MMP14: variants seen among roughly 807,000 people sequenced by gnomAD.
MMP14 encodes matrix metallopeptidase 14.
A neutral mutation model predicts 64.8 loss-of-function variants in MMP14; 13 were observed. That is an observed-to-expected ratio of 0.20 (90% CI 0.13 to 0.32). MMP14 has a LOEUF of 0.32. Ranked by LOEUF, MMP14 falls within the 10% of genes least tolerant of loss-of-function variation. MMP14 has a pLI of 1.00. For missense variants in MMP14, 594 were observed against 783.8 expected (o/e 0.76, Z 2.89); for synonymous variants, 322 against 315.9 (o/e 1.02, Z -0.20).
chr14:22,842,055 A>G lies in MMP14; in HGVS notation c.380+20A>G. 6.2e-7 allele frequency: 1 copy of G among 1,614,068 alleles called. No individual in the cohort carries two copies. The highest frequency in any genetic ancestry group is 2.2e-5 in the East Asian group (1 of 44,876). ...TTTCTGGTGAGTCCAACAGGCAAGC[A>G]ACCTTTCTCACATCTGGTTATTATT... On this transcript the variant is annotated intron_variant, in intron 3 of 9. Coordinates refer to ENST00000311852, the MANE Select transcript of MMP14 (RefSeq NM_004995.4). This position sits in a 1 kb window ranked among gnomAD's most constrained non-coding sequence, Gnocchi z 5.3.
At position 22,844,670 on chromosome 14, in the gene MMP14, T is replaced by C. The variant is rs1198198649; in HGVS notation, c.1191T>C (p.Pro397=). ...TGTTTGATGAGGCGTCCCTGGAACC[T>C]GGCTACCCCAAGCACATTAAGGAGC... ...HWVFDEASLE[P]GYPKHIKELG... is the part of the protein sequence containing the mutation. The change falls in exon 8 of 10, where the codon CCT becomes CCC. Residue 397 remains proline, a synonymous_variant. Transcript: ENST00000311852. 1 of 1,614,004 alleles carries C rather than the reference T, an allele frequency of 6.2e-7. No individual in the cohort carries two copies. The highest frequency in any genetic ancestry group is 8.5e-7 in the Non-Finnish European group (1 of 1,180,026).
Position 22,843,138 on chromosome 14 carries a change from A to C in MMP14, c.689-119A>C. 8.1e-7 allele frequency: 1 copy of C among 1,238,250 alleles called. No homozygotes were observed. The highest frequency in any genetic ancestry group is 2.4e-5 in the East Asian group (1 of 41,604). 76.7% of individuals were successfully genotyped at this position (1,238,250 alleles called of 1,614,324 possible). ...AAAAGCTAGACCTCAGAATTTGGCC[A>C]CTTTGGATTGAAAACATGGGCAGCA... On this transcript the variant is annotated intron_variant, in intron 4 of 9. Transcript: ENST00000311852. This position sits in a 1 kb window ranked among gnomAD's most constrained non-coding sequence, Gnocchi z 4.8.
At chr14:22,837,494 G>C (rs534809228) in intron 1 of MMP14, 59 of 440,192 alleles carry the variant, frequency 1.3e-4, no homozygotes, top group Middle Eastern at 8.8e-4. Flanking sequence ...GTCTCCCCGA[G>C]AGGACCCCGC....
At chr14:22,839,385 G>C (rs2039757078) in intron 1 of MMP14, among the ~76,000 whole-genome samples, 1 of 152,264 alleles carries the variant, frequency 6.6e-6, no homozygotes, top group African/African-American at 2.4e-5. Context: ...GTCAGGGCAA[G>C]CCTGCAGCTC....
chr14:22,837,617 T>TC (rs2039744331), intron 1 of MMP14, among the ~76,000 whole-genome samples: 1 of 152,240 alleles, frequency 6.6e-6, no homozygotes, highest in Non-Finnish European at 1.5e-5. Flanking sequence ...GGTCGCTGCC[T>TC]CCCCCTATCC....
rs944083734 is a variant in MMP14, at chr14:22,836,721, G to C, written c.-97G>C. On this transcript the variant is annotated 5_prime_UTR_variant, in exon 1 of 10. Transcript: ENST00000311852. ...TAGGAATTCAAGTTCAGTGCCTACC[G>C]AAGACAAAGGCGCCCCGAGGGAGTG... The C allele has an allele frequency of 1.5e-6, 1 of 654,808 alleles. No individual in the cohort carries two copies. The allele number at this position is 654,808 out of a possible 1,614,324, so 40.6% of individuals were successfully genotyped here.
rs2039788569 is a variant in MMP14, at chr14:22,843,544, C to T, written c.850+126C>T. ...CCTGCCAACCTGCCCCTGCCTCTAT[C>T]AGCTCCACTTTTGAGCCCATCTTTT... On this transcript the variant is annotated intron_variant, in intron 5 of 9. Transcript: ENST00000311852. This position sits in a 1 kb window ranked among gnomAD's most constrained non-coding sequence, Gnocchi z 4.8. The T allele has an allele frequency of 2.1e-6, 3 of 1,400,238 alleles. No homozygotes were observed. Among genetic ancestry groups the T allele is most frequent in the Non-Finnish European group, 2.9e-6 (3 of 1,026,966 alleles). 86.7% of individuals were successfully genotyped at this position (1,400,238 alleles called of 1,614,324 possible). A position where few individuals can be genotyped will look rare whatever the true frequency, so the allele number is the denominator to read the frequency against.
At chr14:22,837,366 C>G in intron 1 of MMP14, 1 of 456,692 alleles carries the variant, frequency 2.2e-6, no homozygotes, top group South Asian at 1.5e-5. Context: ...GCTCTCCCGC[C>G]GGCGCGCCCT....
intron 2 of MMP14, 70 bp from the exon 3 acceptor site, chr14:22,841,843 A>G: frequency 1.5e-5 from 24 of 1,600,524 alleles, no homozygotes; most frequent in Non-Finnish European, 2.0e-5. Flanking sequence ...CTTACCCAAC[A>G]CTGATCGTGG....
rs761440716 is a variant in MMP14 at position 22,842,437 on chromosome 14, C to T, written c.408C>T (p.Gly136=). ...TCCAGAATTACACCCCCAAGGTGGG[C>T]GAGTATGCCACATACGAGGCCATTC... ...FCIQNYTPKV[G]EYATYEAIRK... is the part of the protein sequence containing the mutation. The change falls in exon 4 of 10, where the codon GGC becomes GGT. Residue 136 remains glycine, a synonymous_variant. Coordinates refer to ENST00000311852, the MANE Select transcript of MMP14 (RefSeq NM_004995.4). This position sits in a 1 kb window ranked among gnomAD's most constrained non-coding sequence, Gnocchi z 5.3. The T allele has an allele frequency of 1.2e-5, 20 of 1,613,216 alleles. No homozygotes were observed. The highest frequency in any genetic ancestry group is 5.0e-5 in the Admixed American group (3 of 59,968).
In MMP14 at chr14:22,836,724, G is replaced by C. The variant is rs906206782; in HGVS notation, c.-94G>C. The C allele has an allele frequency of 5.9e-6, 4 of 679,076 alleles. No individual in the cohort carries two copies. The highest frequency in any genetic ancestry group is 9.7e-6 in the Non-Finnish European group (4 of 413,926). The allele number at this position is 679,076 out of a possible 1,614,324, so 42.1% of individuals were successfully genotyped here. On this transcript the variant is annotated 5_prime_UTR_variant, in exon 1 of 10. Coordinates refer to ENST00000311852, the MANE Select transcript of MMP14 (RefSeq NM_004995.4). ...GAATTCAAGTTCAGTGCCTACCGAA[G>C]ACAAAGGCGCCCCGAGGGAGTGGCG...
At position 22,842,758 on chromosome 14, in the gene MMP14, A is replaced by T. The variant is rs1460896973; in HGVS notation, c.688+41A>T. 2.6e-6 allele frequency: 4 copies of T among 1,552,120 alleles called. No homozygotes were observed. Among genetic ancestry groups the T allele is most frequent in the African/African-American group, 2.7e-5 (2 of 73,452 alleles). On this transcript the variant is annotated intron_variant, in intron 4 of 9. Transcript: ENST00000311852. This position sits in a 1 kb window ranked among gnomAD's most constrained non-coding sequence, Gnocchi z 5.3. ...CTGGGACTTACTCTGGAAAAAGCCA[A>T]CAGTCATTTGTAGGGGTGGTTCCCC...
In MMP14 at chr14:22,843,495, T is replaced by G; in HGVS notation, c.850+77T>G. ...TGGTCTACGCATTTCCCCTCTTTTA[T>G]GCCTTGCAGTCTCCGCACCGCCCCC... is the stretch of plus-strand genomic sequence containing the variant. On this transcript the variant is annotated intron_variant, in intron 5 of 9. Transcript: ENST00000311852. The surrounding 1 kb of genome is among the most constrained non-coding windows in gnomAD (Gnocchi z 4.8). The G allele has an allele frequency of 1.3e-6, 2 of 1,534,138 alleles. No individual in the cohort carries two copies. Among genetic ancestry groups the G allele is most frequent in the Non-Finnish European group, 1.8e-6 (2 of 1,129,442 alleles).
chr14:22,841,799 C>A, intron 2 of MMP14, 114 bp from the exon 3 acceptor site: 1 of 1,563,338 alleles, frequency 6.4e-7, no homozygotes, highest in Non-Finnish European at 8.7e-7. Context: ...GACCTCATAA[C>A]CTTGGCCTTT....
chr14:22,842,852 C>A lies in MMP14; in HGVS notation c.688+135C>A. ...CTTCTGATCTAACTTCTGACAAAAG[C>A]AGGAGTCCTGTTTGAGCTATTTACA... On this transcript the variant is annotated intron_variant, in intron 4 of 9. Coordinates refer to ENST00000311852, the MANE Select transcript of MMP14 (RefSeq NM_004995.4). The surrounding 1 kb of genome is among the most constrained non-coding windows in gnomAD (Gnocchi z 5.3). 1 of 958,054 alleles carries A rather than the reference C, an allele frequency of 1.0e-6. No individual in the cohort carries two copies. The highest frequency in any genetic ancestry group is 1.6e-5 in the African/African-American group (1 of 61,116). 59.3% of individuals were successfully genotyped at this position (958,054 alleles called of 1,614,324 possible). A position where few individuals can be genotyped will look rare whatever the true frequency, so the allele number is the denominator to read the frequency against.
At chr14:22,837,460 C>T (rs2039742790) in intron 1 of MMP14, 1 of 453,446 alleles carries the variant, frequency 2.2e-6, no homozygotes, top group South Asian at 1.6e-5. Flanking sequence ...GGTGGACGGC[C>T]GAGCGTCCAG....
At position 22,847,279 on chromosome 14, in the gene MMP14, G is replaced by A. The variant is rs551862772; in HGVS notation, c.*1240G>A. ...CAGTGAGGGGCAGGAGCTGGGGCTC[G>A]CTTAGGCTGGGTCCACGCTTCCCTG... On this transcript the variant is annotated 3_prime_UTR_variant, in exon 10 of 10. Transcript: ENST00000311852. 4.9e-3 allele frequency: 741 copies of A among 152,608 alleles called. 1 individual carries two copies. The highest frequency in any genetic ancestry group is 8.9e-3 in the Non-Finnish European group (607 of 68,256). The allele number at this position is 152,608 out of a possible 1,614,324, so 9.5% of individuals were successfully genotyped here.
In MMP14 at chr14:22,836,880, G is replaced by A. The variant is rs1172906119; in HGVS notation, c.63G>A (p.Ala21=). Residue 21 remains alanine (A), a synonymous_variant, in exon 1 of 10, where the codon GCG becomes GCA. Coordinates refer to ENST00000311852, the MANE Select transcript of MMP14 (RefSeq NM_004995.4). The part of the protein sequence containing the change: ...LLLPLLTLGT[A]LASLGSAQSS... ...TCCCCCTGCTCACGCTCGGCACCGC[G>A]CTCGCCTCCCTCGGCTCGGCCCAAA... 1 of 1,613,658 alleles carries A rather than the reference G, an allele frequency of 6.2e-7. No homozygotes were observed. The highest frequency in any genetic ancestry group is 1.7e-5 in the Admixed American group (1 of 60,006).
chr14:22,841,887 A>G, intron 2 of MMP14, 26 bp from the exon 3 acceptor site: 1 of 1,614,106 alleles, frequency 6.2e-7, no homozygotes, highest in East Asian at 2.2e-5. Context: ...CACTGATCCC[A>G]ATCCTCGCAC....
Sources: allele counts gnomAD v4.1 joint callset (sites outside exome capture counted in the v4.1 genomes callset), GRCh38; gene constraint gnomAD v4.1.1; non-coding constraint Gnocchi (gnomAD v3.1); transcripts MANE v1.5; gene names NCBI Gene and HGNC (gene_info 2026-07-23, HGNC 2026-07-21).